The following MYO3B variants were observed in gnomAD, a reference collection of about 807,000 sequenced individuals.
MYO3B encodes myosin IIIB.
A neutral mutation model predicts 174.6 loss-of-function variants in MYO3B; 156 were observed. The ratio of observed to expected loss-of-function variants is 0.89; its 90% CI spans 0.78 to 1.02. The LOEUF is 1.02. MYO3B is among the 50% of genes least tolerant of loss of function. MYO3B has a pLI of 0.00. For synonymous variants in MYO3B, 563 were observed against 569.1 expected (o/e 0.99, Z 0.15); for missense variants, 1,632 against 1,639.4 (o/e 1.00, Z 0.08).
chr2:170,320,468 C>T (rs1380616294), intron 7 of MYO3B, among the ~76,000 whole-genome samples: 1 of 150,240 alleles, frequency 6.7e-6, no homozygotes, highest in East Asian at 1.9e-4. Context: ...TTTAATGAAC[C>T]TATCTCATTT....
Position 170,466,567 on chromosome 2 carries a change from T to G in MYO3B, c.2870T>G (p.Ile957Ser). ...GGACAGCCCCACTTTGTGCGCTGCA[T>G]TAAACCCAATGATGACCGAGAGGCC... ...VVGQPHFVRCIKPNDDREALQ... is the reference protein window; with the variant it reads ...VVGQPHFVRCSKPNDDREALQ... The change falls in exon 25 of 35, where the codon ATT becomes AGT. Residue 957 changes from isoleucine (I) to serine (S), a missense_variant. Ile to Ser is a moderately radical substitution (Grantham distance 142). Coordinates refer to ENST00000408978, the MANE Select transcript of MYO3B (RefSeq NM_138995.5). The G allele has an allele frequency of 6.2e-7, 1 of 1,614,206 alleles. No homozygotes were observed. The highest frequency in any genetic ancestry group is 8.5e-7 in the Non-Finnish European group (1 of 1,180,036).
At chr2:170,481,850 T>G (rs1428242991) in intron 25 of MYO3B, among the ~76,000 whole-genome samples, 4 of 152,336 alleles carry the variant, frequency 2.6e-5, no homozygotes, top group Admixed American at 2.6e-4. Context: ...AGTTGCTACC[T>G]GCTTCCCAAC....
rs183317383 is a variant in MYO3B, at chr2:170,569,798, T to C, written c.3733+25810T>C. On this transcript the variant is annotated intron_variant, in intron 32 of 34. Coordinates refer to ENST00000408978, the MANE Select transcript of MYO3B (RefSeq NM_138995.5). Reference sequence around the variant, plus strand: ...AATCACTTGAACCCTGGGGCGGAGGTTTCAGTGAGCTGAGATTGCACCACA... The same window carrying C: ...AATCACTTGAACCCTGGGGCGGAGGCTTCAGTGAGCTGAGATTGCACCACA... Among the ~76,000 whole-genome samples the C allele has an allele frequency of 3.3e-5, 5 of 149,870 alleles. No homozygotes were observed. In the East Asian group the frequency reaches 9.8e-4, roughly 29 times the overall value.
intron 32 of MYO3B, among the ~76,000 whole-genome samples, chr2:170,626,661 G>A (rs1040278004): frequency 6.6e-6 from 1 of 152,190 alleles, no homozygotes; most frequent in Non-Finnish European, 1.5e-5. Flanking sequence ...TTTACAATTT[G>A]GCAAGTTTTT....
At chr2:170,221,086 A>G (rs142791074) in intron 6 of MYO3B, among the ~76,000 whole-genome samples, 145 of 152,328 alleles carry the variant, frequency 9.5e-4, no homozygotes, top group African/African-American at 3.3e-3. Context: ...CTTTGGGTCA[A>G]GAACAGTCCT....
At chr2:170,197,145 C>G (rs2092610271) in intron 1 of MYO3B, among the ~76,000 whole-genome samples, 1 of 152,012 alleles carries the variant, frequency 6.6e-6, no homozygotes, top group Non-Finnish European at 1.5e-5. Flanking sequence ...TTATCTCTGA[C>G]CCAACCAATC....
At chr2:170,446,060 A>G (rs909152949) in intron 23 of MYO3B, among the ~76,000 whole-genome samples, 1 of 152,218 alleles carries the variant, frequency 6.6e-6, no homozygotes, top group African/African-American at 2.4e-5. Context: ...TGTTTATGAG[A>G]GCTGAAATAA....
In MYO3B at chr2:170,407,720, A is replaced by G. The variant is rs118189055; in HGVS notation, c.2526A>G (p.Leu842=). The change falls in exon 22 of 35, where the codon TTA becomes TTG. Residue 842 remains leucine, a synonymous_variant. Transcript: ENST00000408978. ...GTTTGCTATTCATGTTACAGGTATT[A>G]TATGATGCTTCTGGGGTTCTTGAGA... ...FGIQHYAGKV[L]YDASGVLEKN... is the part of the protein sequence containing the mutation. The G allele has an allele frequency of 3.9e-5, 63 of 1,613,936 alleles. No individual in the cohort carries two copies. The East Asian group carries it at 1.3e-3, about 34-fold the overall frequency.
At position 170,193,089 on chromosome 2, in the gene MYO3B, A is replaced by G. The variant is rs1172161748; in HGVS notation, c.3-6119A>G. Among the ~76,000 whole-genome samples, 8 of 152,052 alleles carry G rather than the reference A, an allele frequency of 5.3e-5. No individual in the cohort carries two copies. The East Asian group carries it at 1.4e-3, about 26-fold the overall frequency. On this transcript the variant is annotated intron_variant, in intron 1 of 34. Coordinates refer to ENST00000408978, the MANE Select transcript of MYO3B (RefSeq NM_138995.5). ...TCTTATTGTCACCTTGTTCTGTCAT[A>G]GCTGACAATGTCTTTTACTATTATT...
intron 23 of MYO3B, among the ~76,000 whole-genome samples, chr2:170,456,768 A>G (rs1333150204): frequency 6.6e-6 from 1 of 152,212 alleles, no homozygotes; most frequent in Non-Finnish European, 1.5e-5. Context: ...GTTTTGACTA[A>G]CCAATTTTAT....
chr2:170,523,269 A>C lies in MYO3B; in HGVS notation c.3575+3729A>C, dbSNP rs948693875. On this transcript the variant is annotated intron_variant, in intron 30 of 34. Transcript: ENST00000408978. ...ACTTCTCAGCACTCAGATTTTTATG[A>C]GGGAAGTGTTTTTCTTGTCAGTCTT... Among the ~76,000 whole-genome samples the C allele has an allele frequency of 7.9e-5, 12 of 152,294 alleles. No homozygotes were observed. The East Asian group carries it at 2.3e-3, about 29-fold the overall frequency.
chr2:170,264,503 C>T (rs1031737181), intron 7 of MYO3B, among the ~76,000 whole-genome samples: 8 of 152,310 alleles, frequency 5.3e-5, no homozygotes, highest in Non-Finnish European at 7.3e-5. Flanking sequence ...GAGGACTACA[C>T]TTCTTCAAAG....
chr2:170,527,593 G>T (rs1689084860), intron 30 of MYO3B, among the ~76,000 whole-genome samples: 1 of 152,176 alleles, frequency 6.6e-6, no homozygotes, highest in South Asian at 2.1e-4. Context: ...ATCCGAGTTT[G>T]ATTCTCTCCC....
At chr2:170,181,355 T>A (rs549462454) in intron 1 of MYO3B, among the ~76,000 whole-genome samples, 1 of 152,302 alleles carries the variant, frequency 6.6e-6, no homozygotes, top group Admixed American at 6.5e-5. Flanking sequence ...TCCATCAGTT[T>A]TTTAAATAGA....
At chr2:170,316,333 G>T (rs932154538) in intron 7 of MYO3B, among the ~76,000 whole-genome samples, 20 of 152,188 alleles carry the variant, frequency 1.3e-4, no homozygotes, top group Non-Finnish European at 2.8e-4. Flanking sequence ...AGGAAAATCA[G>T]CTGAAGTTCT....
chr2:170,507,904 A>G (rs1687716179), intron 28 of MYO3B, among the ~76,000 whole-genome samples: 1 of 152,138 alleles, frequency 6.6e-6, no homozygotes, highest in African/African-American at 2.4e-5. Context: ...AAACGATAGA[A>G]TTTTTGTCAT....
intron 8 of MYO3B, among the ~76,000 whole-genome samples, chr2:170,368,582 A>T (rs951947291): frequency 6.6e-6 from 1 of 152,188 alleles, no homozygotes; most frequent in African/African-American, 2.4e-5. Context: ...ATGCAACCCA[A>T]TTTTTATCAT....
intron 22 of MYO3B, among the ~76,000 whole-genome samples, chr2:170,410,070 T>C (rs1574936301): frequency 6.6e-6 from 1 of 152,320 alleles, no homozygotes; most frequent in South Asian, 2.1e-4. Context: ...AGAAGCAAGA[T>C]CCCACACTAT....
At chr2:170,323,837 A>G (rs1200026373) in intron 7 of MYO3B, among the ~76,000 whole-genome samples, 2 of 152,144 alleles carry the variant, frequency 1.3e-5, no homozygotes, top group Non-Finnish European at 2.9e-5. Context: ...GAAATATTAG[A>G]CTGCAGAAAA....
Sources: allele counts gnomAD v4.1 joint callset (sites outside exome capture counted in the v4.1 genomes callset), GRCh38; gene constraint gnomAD v4.1.1; transcripts MANE v1.5; gene names NCBI Gene and HGNC (gene_info 2026-07-23, HGNC 2026-07-21).